The following ACYP2 variants were observed in gnomAD, a reference collection of about 807,000 sequenced individuals.
ACYP2 encodes acylphosphatase 2.
Under a neutral mutation model 11.2 loss-of-function variants are expected in ACYP2, and 12 were observed. The observed-to-expected ratio is 1.08, with a 90% confidence interval of 0.69 to 1.74. The LOEUF (loss-of-function observed/expected upper bound fraction) is 1.74, where lower values mean the gene tolerates loss of function less well. Among genes scored for constraint, ACYP2 ranks in the 40% most tolerant of loss-of-function variants. The pLI is 0.00. For missense variants in ACYP2, 134 were observed against 101.9 expected (o/e 1.31, Z -1.35); for synonymous variants, 43 against 32.2 (o/e 1.33, Z -1.13).
chr2:54,297,251 T>C (rs1054601373), intron 6 of ACYP2, among the ~76,000 whole-genome samples: 5 of 148,232 alleles, frequency 3.4e-5, no homozygotes, highest in Non-Finnish European at 7.4e-5. Flanking sequence ...CCTAACACTT[T>C]AGGAGGCCAA....
intron 6 of ACYP2, among the ~76,000 whole-genome samples, chr2:54,249,865 A>G (rs1024764530): frequency 1.4e-5 from 2 of 147,864 alleles, no homozygotes; most frequent in Non-Finnish European, 3.0e-5. Flanking sequence ...ACTTGAGCCC[A>G]GGAACAGTGA....
intron 6 of ACYP2, chr2:54,255,248 G>C: frequency 6.2e-7 from 1 of 1,614,170 alleles, no homozygotes; most frequent in South Asian, 1.1e-5. Flanking sequence ...CTGAAGTAAG[G>C]GTTTCTTTGA....
intron 6 of ACYP2, among the ~76,000 whole-genome samples, chr2:54,262,275 T>C (rs2104047152): frequency 6.6e-6 from 1 of 152,348 alleles, no homozygotes; most frequent in South Asian, 2.1e-4. Flanking sequence ...GCTGTTACAG[T>C]GTTTATGTTA....
At chr2:54,258,852 C>G (rs1463232328) in intron 6 of ACYP2, among the ~76,000 whole-genome samples, 1 of 152,136 alleles carries the variant, frequency 6.6e-6, no homozygotes, top group Non-Finnish European at 1.5e-5. Flanking sequence ...ACTCACAATT[C>G]TGGATGCTGA....
intron 4 of ACYP2, among the ~76,000 whole-genome samples, chr2:54,104,979 C>T (rs1679079942): frequency 6.6e-6 from 1 of 152,120 alleles, no homozygotes; most frequent in Non-Finnish European, 1.5e-5. Flanking sequence ...TCAGGTATTC[C>T]CTTCGAAGCC....
rs185392956 is a variant in ACYP2, at chr2:53,978,731, T to C, written c.62+4921T>C. Among the ~76,000 whole-genome samples the C allele has an allele frequency of 2.0e-5, 3 of 152,244 alleles. No individual in the cohort carries two copies. In the East Asian group the frequency reaches 5.8e-4, roughly 29 times the overall value. On this transcript the variant is annotated intron_variant, in intron 2 of 6. Transcript: ENST00000607452. The stretch of plus-strand genomic sequence containing the variant: ...CAAAACTCAAATATTCAAAAATATA[T>C]ATTTGCAACATGGCAAAACCTTCTA...
intron 4 of ACYP2, among the ~76,000 whole-genome samples, chr2:54,106,826 G>GC (rs984960581): frequency 6.3e-4 from 96 of 151,950 alleles, no homozygotes; most frequent in African/African-American, 2.1e-3. Context: ...CTCGTGATCC[G>GC]CCCCCCCTCG....
chr2:54,261,727 G>T (rs2104045763), intron 6 of ACYP2, among the ~76,000 whole-genome samples: 1 of 152,180 alleles, frequency 6.6e-6, no homozygotes. Flanking sequence ...ATTTTTCTTA[G>T]AACTAGGCCA....
intron 6 of ACYP2, among the ~76,000 whole-genome samples, chr2:54,242,650 A>G (rs548727386): frequency 6.6e-6 from 1 of 152,224 alleles, no homozygotes; most frequent in African/African-American, 2.4e-5. Flanking sequence ...CACAAATGTC[A>G]TTGTGTTACA....
At chr2:54,025,729 A>C (rs1329565914) in intron 2 of ACYP2, among the ~76,000 whole-genome samples, 1 of 152,202 alleles carries the variant, frequency 6.6e-6, no homozygotes, top group Non-Finnish European at 1.5e-5. Flanking sequence ...TGCAACAAAA[A>C]CAAAGATAAA....
At chr2:54,001,526 T>TG (rs1672801072) in intron 2 of ACYP2, among the ~76,000 whole-genome samples, 1 of 152,190 alleles carries the variant, frequency 6.6e-6, no homozygotes, top group Non-Finnish European at 1.5e-5. Context: ...CCCAAGTAGC[T>TG]GGGATTACAG....
intron 6 of ACYP2, among the ~76,000 whole-genome samples, chr2:54,165,525 TCTCTCTCTCTCACACA>T (rs1189969624): frequency 2.2e-5 from 3 of 135,406 alleles, no homozygotes; most frequent in African/African-American, 1.0e-4. Context: ...ACTCTCTCTC[TCTCTCTCTCTCACACA>T]CACACACACA....
At chr2:54,256,169 C>A (rs776099826) in intron 6 of ACYP2, 3 of 1,600,516 alleles carry the variant, frequency 1.9e-6, no homozygotes, top group Non-Finnish European at 2.6e-6. Flanking sequence ...GCGGCCAGGG[C>A]AGCAGTGGGT....
chr2:54,133,376 C>G (rs746134284), intron 4 of ACYP2, among the ~76,000 whole-genome samples: 5 of 151,958 alleles, frequency 3.3e-5, no homozygotes, highest in Non-Finnish European at 5.9e-5. Context: ...TTTATCTATT[C>G]CCAATGTTTT....
intron 2 of ACYP2, among the ~76,000 whole-genome samples, chr2:54,006,887 G>A (rs1673092359): frequency 6.6e-6 from 1 of 151,998 alleles, no homozygotes; most frequent in South Asian, 2.1e-4. Context: ...CACTTTGGGA[G>A]ACCGAGGCGG....
chr2:54,088,871 C>A (rs1283760482), intron 4 of ACYP2, among the ~76,000 whole-genome samples: 2 of 152,198 alleles, frequency 1.3e-5, no homozygotes, highest in Non-Finnish European at 2.9e-5. Context: ...TTTGACCACA[C>A]ACATTCCTAT....
intron 4 of ACYP2, among the ~76,000 whole-genome samples, chr2:54,113,621 A>G (rs1679575300): frequency 6.6e-6 from 1 of 152,134 alleles, no homozygotes; most frequent in African/African-American, 2.4e-5. Context: ...TGGATGGCTG[A>G]CTGTACTAGT....
intron 2 of ACYP2, among the ~76,000 whole-genome samples, chr2:54,034,388 A>G (rs566825978): frequency 7.2e-4 from 110 of 152,204 alleles, no homozygotes; most frequent in African/African-American, 2.6e-3. Flanking sequence ...ATAATACTGT[A>G]TTTGTATTGT....
At chr2:54,045,287 G>A (rs528751711) in intron 2 of ACYP2, among the ~76,000 whole-genome samples, 1 of 152,124 alleles carries the variant, frequency 6.6e-6, no homozygotes, top group Non-Finnish European at 1.5e-5. Flanking sequence ...ACAATTCCTT[G>A]GGGAGATGGA....
Sources: gnomAD v4.1 joint callset for allele counts (sites outside exome capture counted in the v4.1 genomes callset) on GRCh38, gnomAD v4.1.1 for gene constraint, MANE v1.5 for transcripts, NCBI Gene and HGNC (gene_info 2026-07-23, HGNC 2026-07-21) for gene names.